CPAMD8: variants seen among roughly 807,000 people sequenced by gnomAD.
CPAMD8 encodes C3 and PZP-like alpha-2-macroglobulin domain-containing protein 8.
CPAMD8 carries 146 observed loss-of-function variants against 224.7 expected under a neutral mutation model. That is an observed-to-expected ratio of 0.65 (90% CI 0.57 to 0.75). The LOEUF is 0.75. Among genes scored for constraint, CPAMD8 ranks in the 30% least tolerant of loss-of-function variants. The pLI is 0.00. For missense variants in CPAMD8, 2,301 were observed against 2,537.5 expected (o/e 0.91, Z 2.00); for synonymous variants, 966 against 1,044.6 (o/e 0.92, Z 1.45).
chr19:16,961,102 G>A (rs8104860), intron 18 of CPAMD8, among the ~76,000 whole-genome samples: 44,631 of 152,002 alleles, frequency 0.29, 7,558 homozygotes, highest in African/African-American at 0.46. Flanking sequence ...TGATTGACAC[G>A]GAAGATGGGT....
intron 13 of CPAMD8, among the ~76,000 whole-genome samples, chr19:16,986,612 C>T (rs779134157): frequency 1.7e-4 from 26 of 152,230 alleles, no homozygotes; most frequent in Admixed American, 5.9e-4. Context: ...GCCTTGGCGC[C>T]ACGATTCCTC....
rs539450331 is a variant in CPAMD8, at chr19:16,898,784, C to T, written c.4848+691G>A. Among the ~76,000 whole-genome samples the T allele has an allele frequency of 1.9e-4, 29 of 152,294 alleles. 1 individual carries two copies. In the South Asian group the frequency reaches 6.0e-3, roughly 32 times the overall value. On this transcript the variant is annotated intron_variant, in intron 37 of 41. Transcript: ENST00000443236. The surrounding 1 kb of genome is among the most constrained non-coding windows in gnomAD (Gnocchi z 4.2). ...TGCTGTAGCATGGATCAATGCTTCG[C>T]TCCTTCCTACAGATGGATAATATCC...
chr19:17,016,801 G>A (rs527291487), intron 3 of CPAMD8, among the ~76,000 whole-genome samples: 3 of 151,936 alleles, frequency 2.0e-5, no homozygotes, highest in South Asian at 4.2e-4. Flanking sequence ...TCACACAAAG[G>A]AAAGGCAGGA....
At chr19:16,921,856 C>T (rs1247563488) in intron 27 of CPAMD8, 49 bp downstream of exon 27, 5 of 1,227,758 alleles carry the variant, frequency 4.1e-6, no homozygotes, top group Admixed American at 2.0e-5. Flanking sequence ...GAGGCCATGG[C>T]GTCGGGCGGG....
intron 13 of CPAMD8, among the ~76,000 whole-genome samples, chr19:16,986,420 T>C (rs974813189): frequency 3.9e-5 from 6 of 152,162 alleles, no homozygotes; most frequent in Admixed American, 3.9e-4. Flanking sequence ...TCTGGCCAGC[T>C]GAGAACACAA....
rs556664643 is a variant in CPAMD8 at position 17,002,734 on chromosome 19, G to A, written c.674-384C>T. ...GCATCCCCAGGGTGACTGCAACAGA[G>A]AGCTGATTTCTCCATTTGCTTCTGG... On this transcript the variant is annotated intron_variant, in intron 8 of 41. Coordinates refer to ENST00000443236, the MANE Select transcript of CPAMD8 (RefSeq NM_015692.5). 2.4e-4 allele frequency among the ~76,000 whole-genome samples: 37 copies of A among 152,080 alleles called. 1 individual carries two copies. The highest frequency in any genetic ancestry group is 8.7e-4 in the African/African-American group (36 of 41,470).
At chr19:17,011,871 G>T in intron 3 of CPAMD8, 114 bp from the exon 4 acceptor site, 1 of 1,198,682 alleles carries the variant, frequency 8.3e-7, no homozygotes, top group Non-Finnish European at 1.1e-6. Flanking sequence ...GAGTGACTGT[G>T]CCCCAGGGGG....
chr19:16,934,328 T>C (rs951130368), intron 23 of CPAMD8, among the ~76,000 whole-genome samples: 1 of 152,200 alleles, frequency 6.6e-6, no homozygotes, highest in African/African-American at 2.4e-5. Flanking sequence ...TGTATGTCAA[T>C]TATGCCTCAA....
chr19:16,990,863 C>CAAAAAAAAAAAAAAAAAAA (rs3067791), intron 12 of CPAMD8, among the ~76,000 whole-genome samples: 35 of 73,140 alleles, frequency 4.8e-4, no homozygotes, highest in Non-Finnish European at 5.9e-4. Flanking sequence ...AACTCTGTCT[C>CAAAAAAAAAAAAAAAAAAA]AAAAAAAAAA....
Position 16,921,954 on chromosome 19 carries a change from C to T in CPAMD8, c.3580G>A (p.Asp1194Asn), listed in dbSNP as rs1156455941. The change falls in exon 27 of 42, where the codon GAT becomes AAT. Residue 1194 changes from aspartate to asparagine, a missense_variant. By Grantham distance (23) the Asp-to-Asn change is conservative. Around this residue, in one of 4 missense-constraint regions of CPAMD8, gnomAD observed 1,709 missense variants for 1,753.2 expected, o/e 0.97. Coordinates refer to ENST00000443236, the MANE Select transcript of CPAMD8 (RefSeq NM_015692.5). Reference protein sequence around the residue: ...YQRQLTYKRQDGSYSAFGERD... With the variant: ...YQRQLTYKRQNGSYSAFGERD... ...TCCCCAAACGCGCTGTAGGAGCCATCCTGGCGCTTGTAGGTCAGCTGGCGC... is the reference window on the plus strand; with the variant it reads ...TCCCCAAACGCGCTGTAGGAGCCATTCTGGCGCTTGTAGGTCAGCTGGCGC... 3.9e-6 allele frequency: 6 copies of T among 1,548,210 alleles called. No homozygotes were observed. Among genetic ancestry groups the T allele is most frequent in the Non-Finnish European group, 5.2e-6 (6 of 1,146,810 alleles).
At chr19:17,026,167 T>C (rs2057075552) in intron 1 of CPAMD8, among the ~76,000 whole-genome samples, 1 of 152,090 alleles carries the variant, frequency 6.6e-6, no homozygotes, top group South Asian at 2.1e-4. Context: ...CACTTCCTCC[T>C]CCCTCACCAC....
At chr19:16,914,369 C>T in intron 29 of CPAMD8, 55 bp downstream of exon 29, 1 of 1,449,520 alleles carries the variant, frequency 6.9e-7, no homozygotes, top group Non-Finnish European at 9.7e-7. Context: ...GGGAACCTTC[C>T]ATTTGCTCCT....
intron 20 of CPAMD8, among the ~76,000 whole-genome samples, chr19:16,949,630 C>T (rs1486360452): frequency 1.3e-5 from 2 of 152,180 alleles, no homozygotes; most frequent in Admixed American, 6.5e-5. Context: ...CTGACCTCCT[C>T]GTCCTCTTGC....
At chr19:16,990,952 C>T (rs1015547005) in intron 12 of CPAMD8, among the ~76,000 whole-genome samples, 15 of 147,780 alleles carry the variant, frequency 1.0e-4, no homozygotes, top group Admixed American at 4.8e-4. Flanking sequence ...AGGGTATAAA[C>T]GGGCCACACC....
At chr19:16,931,284 C>G (rs1302026480) in intron 23 of CPAMD8, among the ~76,000 whole-genome samples, 8 of 152,308 alleles carry the variant, frequency 5.3e-5, no homozygotes, top group African/African-American at 1.9e-4. Flanking sequence ...CCTGAGGGTG[C>G]CATCCAAGGG....
intron 10 of CPAMD8, among the ~76,000 whole-genome samples, chr19:16,998,559 A>C (rs1372184513): frequency 1.3e-5 from 2 of 152,206 alleles, no homozygotes; most frequent in African/African-American, 4.8e-5. Flanking sequence ...AAAGGGACTG[A>C]GAAGGAGCTT....
chr19:16,916,516 TG>T (rs1036465745), intron 27 of CPAMD8, among the ~76,000 whole-genome samples: 22 of 152,098 alleles, frequency 1.4e-4, no homozygotes, highest in African/African-American at 5.3e-4. Context: ...CTTCCCAAAG[TG>T]CTGGGATTCA....
chr19:17,025,463 C>G (rs958220360), intron 1 of CPAMD8, among the ~76,000 whole-genome samples: 1 of 152,078 alleles, frequency 6.6e-6, no homozygotes, highest in Non-Finnish European at 1.5e-5. Flanking sequence ...AAACAAAAAC[C>G]TCTGTATAAG....
At chr19:16,943,990 A>G (rs1021959864) in intron 22 of CPAMD8, among the ~76,000 whole-genome samples, 1 of 152,184 alleles carries the variant, frequency 6.6e-6, no homozygotes, top group African/African-American at 2.4e-5. Context: ...CAGCAGATAT[A>G]GAGGATCTTA....
Sources: allele counts gnomAD v4.1 joint callset (sites outside exome capture counted in the v4.1 genomes callset), GRCh38; gene constraint gnomAD v4.1.1; regional missense constraint gnomAD v4.1.1; non-coding constraint Gnocchi (gnomAD v3.1); transcripts MANE v1.5; gene names NCBI Gene and HGNC (gene_info 2026-07-23, HGNC 2026-07-21).